RGPD1: variants seen among roughly 807,000 people sequenced by gnomAD.
The protein encoded by RGPD1 is RANBP2-like and GRIP domain-containing protein 1.
Under a neutral mutation model 40.6 loss-of-function variants are expected in RGPD1, and 7 were observed. That is an observed-to-expected ratio of 0.17 (90% CI 0.10 to 0.32). The LOEUF (loss-of-function observed/expected upper bound fraction) is 0.32. RGPD1 is among the 10% of genes least tolerant of loss of function. The pLI, the probability that RGPD1 is intolerant of heterozygous loss-of-function variation, is 1.00. For missense variants in RGPD1, 50 were observed against 472.5 expected (o/e 0.11, Z 8.29); for synonymous variants, 24 against 167.0 (o/e 0.14, Z 6.60).
intron 1 of RGPD1, among the ~76,000 whole-genome samples, chr2:86,943,554 T>C (rs916794612): frequency 5.9e-5 from 9 of 152,068 alleles, no homozygotes; most frequent in Non-Finnish European, 1.2e-4. Flanking sequence ...CACAGCACTG[T>C]CGTTTATAAG....
chr2:86,923,558 G>A (rs1441150049), intron 1 of RGPD1, among the ~76,000 whole-genome samples: 2 of 148,942 alleles, frequency 1.3e-5, no homozygotes, highest in Admixed American at 1.3e-4. Context: ...TTATCGCCTA[G>A]GCTGGAGTGC....
At chr2:86,918,453 CTTTTTTTTT>C (rs1160123598) in intron 1 of RGPD1, among the ~76,000 whole-genome samples, 2 of 78,086 alleles carry the variant, frequency 2.6e-5, no homozygotes, top group South Asian at 5.0e-4. Flanking sequence ...CACACCAAAT[CTTTTTTTTT>C]TTTTTTTTTT....
intron 1 of RGPD1, among the ~76,000 whole-genome samples, chr2:86,943,556 G>T (rs969625274): frequency 6.6e-6 from 1 of 152,008 alleles, no homozygotes; most frequent in Admixed American, 6.6e-5. Flanking sequence ...CAGCACTGTC[G>T]TTTATAAGCT....
chr2:86,943,871 G>T lies in RGPD1; in HGVS notation c.72+1563G>T, dbSNP rs553348888. Among the ~76,000 whole-genome samples, 4 of 152,068 alleles carry T rather than the reference G, an allele frequency of 2.6e-5. No homozygotes were observed. The East Asian group carries it at 7.8e-4, about 30-fold the overall frequency. The stretch of plus-strand genomic sequence containing the variant: ...ACTAAAAATAGAAAAAAAGTTAGCC[G>T]GGCGTGGTGGTGCACACCTGTAGTC... On this transcript the variant is annotated intron_variant, in intron 1 of 22. Transcript: ENST00000641458.
upstream of RGPD1, among the ~76,000 whole-genome samples, chr2:86,941,499 C>A (rs921779514): frequency 1.3e-5 from 2 of 148,898 alleles, no homozygotes; most frequent in Non-Finnish European, 3.0e-5. Flanking sequence ...CCCGCCTCGA[C>A]CTCCCAAAGT....
intron 1 of RGPD1, among the ~76,000 whole-genome samples, chr2:86,919,743 C>T (rs1169944300): frequency 2.3e-4 from 29 of 126,818 alleles, no homozygotes; most frequent in African/African-American, 8.8e-4. Flanking sequence ...GTGCCATTTA[C>T]CTGTTTTTCT....
chr2:86,920,001 A>G (rs1678026637), intron 1 of RGPD1, among the ~76,000 whole-genome samples: 1 of 151,894 alleles, frequency 6.6e-6, no homozygotes, highest in Admixed American at 6.6e-5. Flanking sequence ...CTATTTCAGC[A>G]CATGAAGGAA....
At chr2:86,914,498 TGCGGCG>T (rs1203248392) in intron 1 of RGPD1, among the ~76,000 whole-genome samples, 7 of 1,454 alleles carry the variant, frequency 4.8e-3, no homozygotes, top group Admixed American at 5.7e-3. Context: ...CTGGCCGGGC[TGCGGCG>T]GCGGCGGCGG....
intron 1 of RGPD1, among the ~76,000 whole-genome samples, chr2:86,919,710 T>C (rs1181862769): frequency 2.6e-4 from 30 of 116,008 alleles, no homozygotes; most frequent in African/African-American, 1.1e-3. Flanking sequence ...CTCTATAGAA[T>C]TACACCTGCC....
intron 1 of RGPD1, among the ~76,000 whole-genome samples, chr2:86,932,124 G>T (rs917834690): frequency 3.7e-5 from 5 of 136,056 alleles, no homozygotes; most frequent in Admixed American, 2.3e-4. Flanking sequence ...GCCTATCTGT[G>T]GCATTCAGTT....
chr2:86,936,756 G>A (rs955346583), intron 1 of RGPD1, among the ~76,000 whole-genome samples: 2 of 118,204 alleles, frequency 1.7e-5, no homozygotes, highest in Non-Finnish European at 3.4e-5. Flanking sequence ...GAAGTGCTGC[G>A]ATTACAGGCG....
chr2:86,913,706 A>G, upstream of RGPD1: 1 of 1,330,366 alleles, frequency 7.5e-7, no homozygotes, highest in Non-Finnish European at 1.0e-6. Context: ...AAGGATACAC[A>G]GTGCTGACGC....
At chr2:86,960,594 CT>C (rs1161040531) in intron 6 of RGPD1, among the ~76,000 whole-genome samples, 7 of 126,160 alleles carry the variant, frequency 5.5e-5, no homozygotes, top group Non-Finnish European at 8.1e-5. Context: ...TGGTCTCGAT[CT>C]TTTTTTTTTT....
rs532498663 is a variant in RGPD1, at chr2:86,947,789, C to T, written c.73-3507C>T. On this transcript the variant is annotated intron_variant, in intron 1 of 22. Transcript: ENST00000641458. ...TTTTCCTCATTGTCCTGTATAATCA[C>T]GGCCTTCACCCTTGTTGGGACTCCA... Among the ~76,000 whole-genome samples the T allele has an allele frequency of 1.0e-4, 13 of 130,164 alleles. 1 individual carries two copies. The highest frequency in any genetic ancestry group is 3.4e-4 in the African/African-American group (12 of 35,476). The allele number at this position is 130,164 out of a possible 152,430, so 85.4% of individuals were successfully genotyped here.
chr2:87,007,502 C>A (rs1402816743), intron 22 of RGPD1, among the ~76,000 whole-genome samples: 1 of 152,084 alleles, frequency 6.6e-6, no homozygotes, highest in African/African-American at 2.4e-5. Context: ...CTCAGCCTCC[C>A]AAGTAGCTGG....
rs536272450 is a variant in RGPD1 at position 86,944,821 on chromosome 2, C to T, written c.72+2513C>T. Among the ~76,000 whole-genome samples, 5 of 152,256 alleles carry T rather than the reference C, an allele frequency of 3.3e-5. No individual in the cohort carries two copies. In the South Asian group the frequency reaches 1.0e-3, roughly 32 times the overall value. ...GTCCTGGGCTCAATCCATCCTCCCACCTTAGCCTCCTGGGTAGCTGAGACT... is the reference window on the plus strand; with the variant it reads ...GTCCTGGGCTCAATCCATCCTCCCATCTTAGCCTCCTGGGTAGCTGAGACT... On this transcript the variant is annotated intron_variant, in intron 1 of 22. Transcript: ENST00000641458.
At chr2:86,945,598 T>C (rs1268875788) in intron 1 of RGPD1, among the ~76,000 whole-genome samples, 1 of 152,224 alleles carries the variant, frequency 6.6e-6, no homozygotes, top group Non-Finnish European at 1.5e-5. Context: ...GTTTTGCCAT[T>C]TTTGTACTCC....
upstream of RGPD1, among the ~76,000 whole-genome samples, chr2:86,941,209 ATGTTT>A (rs1212843700): frequency 6.6e-6 from 1 of 151,788 alleles, no homozygotes; most frequent in Non-Finnish European, 1.5e-5. Flanking sequence ...ACTATTAAAA[ATGTTT>A]TGTTAAATTT....
intron 1 of RGPD1, among the ~76,000 whole-genome samples, chr2:86,944,909 G>A (rs1680225855): frequency 6.6e-6 from 1 of 151,756 alleles, no homozygotes; most frequent in Non-Finnish European, 1.5e-5. Flanking sequence ...TGTAGAGACG[G>A]GGTCTTACCA....
Sources: gnomAD v4.1 joint callset for allele counts (sites outside exome capture counted in the v4.1 genomes callset) on GRCh38, gnomAD v4.1.1 for gene constraint, MANE v1.5 for transcripts, NCBI Gene and HGNC (gene_info 2026-07-23, HGNC 2026-07-21) for gene names.